Variants in PGM2 observed in about 807,000 individuals in gnomAD.
PGM2 encodes the protein phosphoglucomutase 2, also known as phosphopentomutase.
Under a neutral mutation model 74.6 loss-of-function variants are expected in PGM2, and 57 were observed. The observed-to-expected ratio is 0.76, with a 90% confidence interval of 0.62 to 0.95. PGM2 has a LOEUF of 0.95. Among genes scored for constraint, PGM2 ranks in the 40% least tolerant of loss-of-function variants. PGM2 has a pLI of 0.00. For missense variants in PGM2, 706 were observed against 741.9 expected (o/e 0.95, Z 0.56); for synonymous variants, 273 against 260.7 (o/e 1.05, Z -0.46).
chr4:37,854,052 A>G (rs1726121263), intron 12 of PGM2, among the ~76,000 whole-genome samples: 1 of 152,072 alleles, frequency 6.6e-6, no homozygotes, highest in Non-Finnish European at 1.5e-5. Flanking sequence ...ACCTTGCCTC[A>G]GTTCTCATCC....
At chr4:37,857,941 T>A (rs535681619) in intron 13 of PGM2, among the ~76,000 whole-genome samples, 1 of 152,320 alleles carries the variant, frequency 6.6e-6, no homozygotes, top group Admixed American at 6.5e-5. Flanking sequence ...TATTTCTATG[T>A]TTCATTCTTT....
intron 13 of PGM2, among the ~76,000 whole-genome samples, chr4:37,857,269 A>G (rs6855439): frequency 0.29 from 44,186 of 152,118 alleles, 9,682 homozygotes; most frequent in African/African-American, 0.61. Context: ...AACAGCACCC[A>G]TCTAGGTAAT....
At chr4:37,850,799 T>C (rs964610378) in intron 12 of PGM2, among the ~76,000 whole-genome samples, 2 of 151,936 alleles carry the variant, frequency 1.3e-5, no homozygotes, top group African/African-American at 2.4e-5. Flanking sequence ...AAGACCAGCC[T>C]GGCCAACATG....
At chr4:37,848,685 A>C in intron 11 of PGM2, 34 bp downstream of exon 11, 1 of 1,500,158 alleles carries the variant, frequency 6.7e-7, no homozygotes, top group South Asian at 1.1e-5. Flanking sequence ...GATTGAAATA[A>C]TATTTTGAAA....
chr4:37,831,446 A>G (rs1026161974), intron 2 of PGM2, among the ~76,000 whole-genome samples: 5 of 152,206 alleles, frequency 3.3e-5, no homozygotes, highest in African/African-American at 1.2e-4. Context: ...TTGCTCACAA[A>G]TCTGCAATTT....
At chr4:37,844,804 C>T (rs1725822271) in intron 7 of PGM2, among the ~76,000 whole-genome samples, 1 of 151,958 alleles carries the variant, frequency 6.6e-6, no homozygotes, top group African/African-American at 2.4e-5. Flanking sequence ...CCTGTCTCTA[C>T]TAAAAATACA....
At position 37,837,549 on chromosome 4, in the gene PGM2, C is replaced by A; in HGVS notation, c.377C>A (p.Thr126Asn). 1 of 1,613,034 alleles carries A rather than the reference C, an allele frequency of 6.2e-7. No individual in the cohort carries two copies. Among genetic ancestry groups the A allele is most frequent in the Non-Finnish European group, 8.5e-7 (1 of 1,178,972 alleles). ...CTCAGGTTTGCCCGACTTGCTGCAA[C>A]CACATTTATCAGTCAGGGGATTCCT... is the stretch of plus-strand genomic sequence containing the variant. ...SSRRFARLAA[T>N]TFISQGIPVY... The change falls in exon 4 of 14, where the codon ACC becomes AAC. Residue 126 changes from threonine (T) to asparagine (N), a missense_variant. By Grantham distance (65) the Thr-to-Asn change is moderately conservative. Coordinates refer to ENST00000381967, the MANE Select transcript of PGM2 (RefSeq NM_018290.4).
At chr4:37,859,074 A>G (rs1261598896) in intron 13 of PGM2, among the ~76,000 whole-genome samples, 1 of 152,200 alleles carries the variant, frequency 6.6e-6, no homozygotes, top group Non-Finnish European at 1.5e-5. Context: ...GTAAAACTAC[A>G]TGAACCACAG....
At chr4:37,841,192 T>TGTGTGTGTGTGTGGG (rs1553886044) in intron 6 of PGM2, among the ~76,000 whole-genome samples, 2 of 93,010 alleles carry the variant, frequency 2.2e-5, no homozygotes, top group African/African-American at 6.9e-5. Flanking sequence ...GTGTGTGGTT[T>TGTGTGTGTGTGTGGG]GTTCTGTGCA....
intron 11 of PGM2, 78 bp from the exon 12 acceptor site, chr4:37,850,106 A>G: frequency 1.3e-6 from 1 of 794,944 alleles, no homozygotes; most frequent in Non-Finnish European, 2.0e-6. Context: ...TTTAGAATAC[A>G]CTGGTTGGTA....
intron 9 of PGM2, 45 bp from the exon 10 acceptor site, chr4:37,847,157 T>TAGA: frequency 6.3e-7 from 1 of 1,593,982 alleles, no homozygotes; most frequent in Non-Finnish European, 8.6e-7. Context: ...ATCTGCTCTG[T>TAGA]AGAAGATCTA....
intron 12 of PGM2, among the ~76,000 whole-genome samples, chr4:37,852,065 G>T (rs1293210281): frequency 6.9e-6 from 1 of 145,736 alleles, no homozygotes; most frequent in Non-Finnish European, 1.5e-5. Flanking sequence ...GACCTCCCAG[G>T]TTCAAGTGAT....
intron 6 of PGM2, among the ~76,000 whole-genome samples, chr4:37,842,332 A>G (rs143109005): frequency 1.1e-3 from 163 of 151,594 alleles, no homozygotes; most frequent in Admixed American, 2.8e-3. Flanking sequence ...GTTTTATGTC[A>G]TGCTTAGGAA....
chr4:37,841,094 A>ATGTG (rs767857815), intron 6 of PGM2, among the ~76,000 whole-genome samples: 21,614 of 114,966 alleles, frequency 0.19, 1,955 homozygotes, highest in African/African-American at 0.27. Context: ...ATATATATAT[A>ATGTG]TATATATGTG....
At position 37,829,748 on chromosome 4, in the gene PGM2, G is replaced by A. The variant is rs75716934; in HGVS notation, c.82-216G>A. Among the ~76,000 whole-genome samples the A allele has an allele frequency of 0.08, 12,177 of 151,844 alleles. 923 individuals are homozygous for A. The highest frequency in any genetic ancestry group is 0.18 in the African/African-American group (7,505 of 41,364). On this transcript the variant is annotated intron_variant, in intron 1 of 13. Coordinates refer to ENST00000381967, the MANE Select transcript of PGM2 (RefSeq NM_018290.4). The stretch of plus-strand genomic sequence containing the variant: ...AAATCTCTACTTTGATTTCTCCAAA[G>A]GTGCTTACCTTGACAGGAAAGAAAA...
At chr4:37,843,996 G>T (rs1725798787) in intron 6 of PGM2, among the ~76,000 whole-genome samples, 2 of 152,210 alleles carry the variant, frequency 1.3e-5, no homozygotes, top group South Asian at 4.1e-4. Flanking sequence ...CTTTGGGGAT[G>T]TGTGGGTGTG....
chr4:37,847,201 G>A lies in PGM2; in HGVS notation c.1189-1G>A, dbSNP rs201260848. 7 of 1,612,728 alleles carry A rather than the reference G, an allele frequency of 4.3e-6. No homozygotes were observed. The highest frequency in any genetic ancestry group is 1.7e-5 in the Admixed American group (1 of 59,968). ...CTTTCTCTTTTGGATTATCCCTTTA[G>A]GAAACATTAACTGGCTTTAAGTGGA... On this transcript the variant is annotated splice_acceptor_variant, in intron 9 of 13. Coordinates refer to ENST00000381967, the MANE Select transcript of PGM2 (RefSeq NM_018290.4). LOFTEE classifies it high-confidence loss of function.
Position 37,861,580 on chromosome 4 carries a change from C to G in PGM2, c.1807C>G (p.Gln603Glu), listed in dbSNP as rs141050011. 3 of 1,612,920 alleles carry G rather than the reference C, an allele frequency of 1.9e-6. No homozygotes were observed. The African/African-American group carries it at 4.0e-5, about 22-fold the overall frequency. ...SAIEEHFFQP[Q>E]KYNLQPKAD is the part of the protein sequence containing the mutation. ...TATTGAAGAACATTTTTTCCAGCCACAGAAGTACAATCTGCAGCCAAAAGC... is the reference window on the plus strand; with the variant it reads ...TATTGAAGAACATTTTTTCCAGCCAGAGAAGTACAATCTGCAGCCAAAAGC... Residue 603 changes from glutamine to glutamate, a missense_variant, in exon 14 of 14, where the codon CAG (glutamine) becomes GAG (glutamate). By Grantham distance (29) the Gln-to-Glu change is conservative (BLOSUM62 2). Coordinates refer to ENST00000381967, the MANE Select transcript of PGM2 (RefSeq NM_018290.4).
At chr4:37,854,044 C>T (rs1006976024) in intron 12 of PGM2, among the ~76,000 whole-genome samples, 12 of 152,256 alleles carry the variant, frequency 7.9e-5, no homozygotes, top group Admixed American at 3.3e-4. Context: ...TGCAGAGCAC[C>T]TTGCCTCAGT....
Sources: gnomAD v4.1 joint callset for allele counts (sites outside exome capture counted in the v4.1 genomes callset) on GRCh38, gnomAD v4.1.1 for gene constraint, MANE v1.5 for transcripts, NCBI Gene and HGNC (gene_info 2026-07-23, HGNC 2026-07-21) for gene names.